ADAMTS16: variants seen among roughly 807,000 people sequenced by gnomAD.
ADAMTS16 encodes A disintegrin and metalloproteinase with thrombospondin motifs 16.
A neutral mutation model predicts 145.8 loss-of-function variants in ADAMTS16; 94 were observed. The ratio of observed to expected loss-of-function variants is 0.64; its 90% CI spans 0.55 to 0.77. The LOEUF is 0.77. Among genes scored for constraint, ADAMTS16 ranks in the 30% least tolerant of loss-of-function variants. The pLI is 0.00. For synonymous variants in ADAMTS16, 659 were observed against 604.3 expected (o/e 1.09, Z -1.33); for missense variants, 1,585 against 1,591.5 (o/e 1.00, Z 0.07).
intron 20 of ADAMTS16, among the ~76,000 whole-genome samples, chr5:5,304,963 C>CCA (rs139164157): frequency 1.4e-4 from 19 of 131,146 alleles, no homozygotes; most frequent in African/African-American, 2.5e-4. Context: ...ACATCCCACA[C>CCA]CACACACACA....
chr5:5,206,455 C>G (rs1253372021), intron 9 of ADAMTS16, among the ~76,000 whole-genome samples: 1 of 140,624 alleles, frequency 7.1e-6, no homozygotes, highest in Non-Finnish European at 1.6e-5. Context: ...AAAGATCTGC[C>G]TTTAGATTCA....
Position 5,320,070 on chromosome 5 carries a change from G to T in ADAMTS16, c.*932G>T. 2 of 331,822 alleles carry T rather than the reference G, an allele frequency of 6.0e-6. No individual in the cohort carries two copies. The highest frequency in any genetic ancestry group is 5.5e-6 in the Non-Finnish European group (1 of 181,878). 20.6% of individuals were successfully genotyped at this position (331,822 alleles called of 1,614,324 possible). A position where few individuals can be genotyped will look rare whatever the true frequency, so the allele number is the denominator to read the frequency against. The stretch of plus-strand genomic sequence containing the variant: ...AGAGTCCTGTGTTTTGTTTTTGTGT[G>T]TTGTGAGATTTTAATCTTTTTTTTT... On this transcript the variant is annotated 3_prime_UTR_variant, in exon 23 of 23. Transcript: ENST00000274181. This position sits in a 1 kb window ranked among gnomAD's most constrained non-coding sequence, Gnocchi z 5.1.
chr5:5,320,085 T>TC lies in ADAMTS16; in HGVS notation c.*948dup, dbSNP rs1734225576. On this transcript the variant is annotated 3_prime_UTR_variant, in exon 23 of 23. Coordinates refer to ENST00000274181, the MANE Select transcript of ADAMTS16 (RefSeq NM_139056.4). This position sits in a 1 kb window ranked among gnomAD's most constrained non-coding sequence, Gnocchi z 5.1. ...GTTTTTGTGTGTTGTGAGATTTTAA[T>TC]CTTTTTTTTTTCGGTGAGTCTGGCC... 1 of 209,292 alleles carries TC rather than the reference T, an allele frequency of 4.8e-6. No homozygotes were observed. Among genetic ancestry groups the TC allele is most frequent in the Admixed American group, 1.4e-4 (1 of 7,386 alleles). 13.0% of individuals were successfully genotyped at this position (209,292 alleles called of 1,614,324 possible).
chr5:5,201,177 C>T (rs1237611490), intron 9 of ADAMTS16, among the ~76,000 whole-genome samples: 1 of 152,074 alleles, frequency 6.6e-6, no homozygotes, highest in African/African-American at 2.4e-5. Flanking sequence ...GGACTGAGGA[C>T]AGAGAGAGCA....
intron 10 of ADAMTS16, among the ~76,000 whole-genome samples, chr5:5,214,083 A>T (rs2126326913): frequency 6.6e-6 from 1 of 152,290 alleles, no homozygotes; most frequent in East Asian, 1.9e-4. Flanking sequence ...CCAGGCAGAG[A>T]GGTGGGCAAA....
intron 11 of ADAMTS16, among the ~76,000 whole-genome samples, chr5:5,229,303 T>TAAG: frequency 3.7e-5 from 1 of 26,706 alleles, no homozygotes; most frequent in Non-Finnish European, 6.3e-5. Context: ...AGACTCCGTC[T>TAAG]CAAAAAAAAA....
At chr5:5,298,089 C>A (rs1052350477) in intron 18 of ADAMTS16, among the ~76,000 whole-genome samples, 2 of 152,312 alleles carry the variant, frequency 1.3e-5, no homozygotes, top group Non-Finnish European at 2.9e-5. Flanking sequence ...AGGAGACAGC[C>A]CAAGGGTCCT....
chr5:5,218,232 T>A (rs1286416644), intron 10 of ADAMTS16, among the ~76,000 whole-genome samples: 1 of 152,224 alleles, frequency 6.6e-6, no homozygotes, highest in African/African-American at 2.4e-5. Context: ...TTTTTTAACT[T>A]TTTCTATTTA....
intron 3 of ADAMTS16, among the ~76,000 whole-genome samples, chr5:5,147,637 G>T (rs909331255): frequency 6.6e-6 from 1 of 152,074 alleles, no homozygotes. Context: ...GTTATTTGGC[G>T]CTCTTGTTAA....
At chr5:5,259,295 C>G (rs1560973161) in intron 17 of ADAMTS16, among the ~76,000 whole-genome samples, 1 of 152,210 alleles carries the variant, frequency 6.6e-6, no homozygotes, top group Non-Finnish European at 1.5e-5. Flanking sequence ...GGGGCAGGAT[C>G]CTGTGACCAC....
intron 3 of ADAMTS16, among the ~76,000 whole-genome samples, chr5:5,169,292 AC>A (rs1363556143): frequency 6.6e-6 from 1 of 152,192 alleles, no homozygotes; most frequent in Non-Finnish European, 1.5e-5. Context: ...CCTTTGGAAA[AC>A]ATTCATGCTT....
chr5:5,143,626 TG>T (rs1441304233), intron 2 of ADAMTS16, among the ~76,000 whole-genome samples: 1 of 152,212 alleles, frequency 6.6e-6, no homozygotes, highest in Non-Finnish European at 1.5e-5. Flanking sequence ...ATCCCATTAC[TG>T]GGTATATACC....
At chr5:5,206,774 G>T (rs550346598) in intron 9 of ADAMTS16, among the ~76,000 whole-genome samples, 7 of 152,036 alleles carry the variant, frequency 4.6e-5, no homozygotes, top group African/African-American at 7.2e-5. Context: ...GAGCCACCGC[G>T]CCCGGCAGAT....
chr5:5,169,352 C>T (rs1352019161), intron 3 of ADAMTS16, among the ~76,000 whole-genome samples: 1 of 152,168 alleles, frequency 6.6e-6, no homozygotes, highest in Admixed American at 6.5e-5. Context: ...GTTAAATGTC[C>T]AGCGAAGGCT....
At chr5:5,295,671 G>C (rs1739500812) in intron 18 of ADAMTS16, among the ~76,000 whole-genome samples, 1 of 152,232 alleles carries the variant, frequency 6.6e-6, no homozygotes. Context: ...AAGTAAACCA[G>C]TGGGCAGGGA....
intron 5 of ADAMTS16, among the ~76,000 whole-genome samples, chr5:5,187,114 G>A (rs1466754884): frequency 1.3e-5 from 2 of 152,202 alleles, no homozygotes; most frequent in Admixed American, 6.5e-5. Context: ...AAGCTGCTCT[G>A]ACGCGTGGAA....
intron 9 of ADAMTS16, among the ~76,000 whole-genome samples, chr5:5,204,404 G>A (rs1222459669): frequency 6.6e-6 from 1 of 152,088 alleles, no homozygotes; most frequent in Non-Finnish European, 1.5e-5. Flanking sequence ...CATGATGAAC[G>A]CAATAGTGTA....
chr5:5,144,091 G>A (rs748269435), intron 2 of ADAMTS16, among the ~76,000 whole-genome samples: 39 of 151,044 alleles, frequency 2.6e-4, no homozygotes, highest in Middle Eastern at 3.4e-3. Context: ...AAACCTGTAC[G>A]TTCTACACAT....
chr5:5,313,788 G>A (rs60104642), intron 21 of ADAMTS16, among the ~76,000 whole-genome samples: 7 of 152,254 alleles, frequency 4.6e-5, no homozygotes, highest in Non-Finnish European at 8.8e-5. Flanking sequence ...GCGTGTGTAC[G>A]CAAACACACA....
Sources: allele counts gnomAD v4.1 joint callset (sites outside exome capture counted in the v4.1 genomes callset), GRCh38; gene constraint gnomAD v4.1.1; non-coding constraint Gnocchi (gnomAD v3.1); transcripts MANE v1.5; gene names NCBI Gene and HGNC (gene_info 2026-07-23, HGNC 2026-07-21).